The following SRCAP variants were observed in gnomAD, a reference collection of about 807,000 sequenced individuals.
The protein encoded by SRCAP is chromatin remodeling protein SRCAP.
A neutral mutation model predicts 263.1 loss-of-function variants in SRCAP; 46 were observed. The observed-to-expected ratio is 0.17, with a 90% confidence interval of 0.14 to 0.22. The LOEUF is 0.22. Among genes scored for constraint, SRCAP ranks in the 10% least tolerant of loss-of-function variants. SRCAP has a pLI of 1.00. For synonymous variants in SRCAP, 1,813 were observed against 1,662.1 expected (o/e 1.09, Z -2.21); for missense variants, 3,695 against 4,181.9 (o/e 0.88, Z 3.21).
intron 3 of SRCAP, among the ~76,000 whole-genome samples, chr16:30,701,636 C>CT (rs35698444): frequency 0.012 from 1,684 of 136,652 alleles, 12 homozygotes; most frequent in African/African-American, 0.027. Flanking sequence ...TTTTTCTTTT[C>CT]TTTTTTTTTT....
intron 25 of SRCAP, chr16:30,725,809 A>T (rs1596657954): frequency 6.6e-6 from 1 of 152,302 alleles, no homozygotes; most frequent in Non-Finnish European, 1.5e-5. Context: ...TTTTAAATAC[A>T]GATGGGGGTC....
intron 33 of SRCAP, 80 bp downstream of exon 33, chr16:30,736,704 G>T (rs191851049): frequency 1.8e-5 from 26 of 1,472,310 alleles, no homozygotes; most frequent in Non-Finnish European, 2.3e-5. Flanking sequence ...AGACAGTCTC[G>T]CTCTGTCGCC....
chr16:30,713,789 A>C, intron 16 of SRCAP, 78 bp downstream of exon 16: 1 of 1,391,910 alleles, frequency 7.2e-7, no homozygotes, highest in Non-Finnish European at 9.9e-7. Context: ...TGCCCAGGAA[A>C]CCCTTGGGGA....
In SRCAP at chr16:30,739,431, C is replaced by G. The variant is rs370178143; in HGVS notation, c.9391C>G (p.Leu3131Val). 1.7e-5 allele frequency: 27 copies of G among 1,614,128 alleles called. No individual in the cohort carries two copies. The highest frequency in any genetic ancestry group is 2.3e-5 in the Non-Finnish European group (27 of 1,180,052). The change falls in exon 34 of 34, where the codon CTA (leucine) becomes GTA (valine). Residue 3131 changes from leucine to valine, a missense_variant. Physicochemically the swap from Leu to Val is conservative, Grantham distance 32. This residue lies in a region of SRCAP where 1,207 missense variants were observed against 1,142.9 expected (regional missense o/e 1.06). Transcript: ENST00000262518. ...GCGTCCAGGGTCTCTAGTCCCCCCA[C>G]TAGAGACTGAGAAGTTGCCTCGCAA... ...RLRPGSLVPP[L>V]ETEKLPRKRA... is the part of the protein sequence containing the mutation.
rs199521388 is a variant in SRCAP at position 30,724,630 on chromosome 16, C to G, written c.5206C>G (p.Pro1736Ala). 268 of 1,614,084 alleles carry G rather than the reference C, an allele frequency of 1.7e-4. No homozygotes were observed. Among genetic ancestry groups the G allele is most frequent in the Middle Eastern group, 4.9e-4 (3 of 6,084 alleles). ...PTPAQTLSLA[P>A]GPPLGPTQTL... ...TCCAGCCCAGACACTGTCTTTGGCA[C>G]CAGGACCACCACTGGGTCCAACTCA... Residue 1736 changes from proline (P) to alanine (A), a missense_variant, in exon 25 of 34, where the codon CCA (proline) becomes GCA (alanine). Physicochemically the swap from Pro to Ala is conservative, Grantham distance 27. This residue lies in a region of SRCAP where 1,347 missense variants were observed against 1,304.4 expected (regional missense o/e 1.03). Coordinates refer to ENST00000262518, the MANE Select transcript of SRCAP (RefSeq NM_006662.3).
Position 30,737,978 on chromosome 16 carries a change from G to C in SRCAP, c.7938G>C (p.Val2646=), listed in dbSNP as rs1243929903. The change falls in exon 34 of 34, where the codon GTG becomes GTC. Residue 2646 remains valine (V), a synonymous_variant. Transcript: ENST00000262518. The stretch of plus-strand genomic sequence containing the variant: ...AAGGTGAGGAGTTGCCCCTGTGTGT[G>C]AGTGAGAGCAATGGCCTGGAGCTCC... ...LPEGEELPLC[V]SESNGLELPP... 3.7e-6 allele frequency: 6 copies of C among 1,614,142 alleles called. No homozygotes were observed. Among genetic ancestry groups the C allele is most frequent in the Non-Finnish European group, 4.2e-6 (5 of 1,180,044 alleles).
intron 4 of SRCAP, 78 bp downstream of exon 4, chr16:30,704,393 T>C (rs2052803409): frequency 6.7e-7 from 1 of 1,496,014 alleles, no homozygotes; most frequent in African/African-American, 1.4e-5. Flanking sequence ...GTATTTTATG[T>C]TTCTTTTCTT....
intron 16 of SRCAP, among the ~76,000 whole-genome samples, chr16:30,714,754 C>T (rs568500355): frequency 6.6e-6 from 1 of 151,274 alleles, no homozygotes; most frequent in Admixed American, 6.6e-5. Flanking sequence ...GCCCTGCCCC[C>T]GCTTGGCCTC....
intron 25 of SRCAP, among the ~76,000 whole-genome samples, chr16:30,728,448 TTC>T (rs2053083269): frequency 6.6e-6 from 1 of 152,226 alleles, no homozygotes; most frequent in Admixed American, 6.5e-5. Context: ...GTTGCCCATT[TTC>T]TGTCTCAGAG....
intron 16 of SRCAP, among the ~76,000 whole-genome samples, chr16:30,714,738 T>G (rs993895668): frequency 6.6e-6 from 1 of 151,714 alleles, no homozygotes; most frequent in Admixed American, 6.6e-5. Flanking sequence ...TGACCTTAAG[T>G]GATCCGCCCT....
rs574210456 is a variant in SRCAP, at chr16:30,716,356, A to G, written c.2694A>G (p.Arg898=). The G allele has an allele frequency of 9.7e-5, 157 of 1,614,172 alleles. 2 individuals carry two copies. The South Asian group carries it at 1.6e-3, about 16-fold the overall frequency. ...TCATCAACATTTTGATGCAGCTGAG[A>G]AAAGTTTGCAATCATCCAAATCTGT... ...MSVINILMQL[R]KVCNHPNLFD... Residue 898 remains arginine, a synonymous_variant, in exon 18 of 34, where the codon AGA becomes AGG. Coordinates refer to ENST00000262518, the MANE Select transcript of SRCAP (RefSeq NM_006662.3).
In SRCAP at chr16:30,723,185, G is replaced by C. The variant is rs543494300; in HGVS notation, c.4115G>C (p.Arg1372Thr). Residue 1372 changes from arginine to threonine, a missense_variant, in exon 24 of 34, where the codon AGG becomes ACG. Arg to Thr is a moderately conservative substitution (Grantham distance 71). This residue lies in a region of SRCAP where 1,347 missense variants were observed against 1,304.4 expected (regional missense o/e 1.03). Coordinates refer to ENST00000262518, the MANE Select transcript of SRCAP (RefSeq NM_006662.3). The part of the protein sequence containing the change: ...RAPMPTPTLV[R>T]PLLKLVHSPS... ...CCCATGCCCACACCCACTCTGGTGA[G>C]GCCTCTTCTCAAGCTGGTCCACAGT... is the stretch of plus-strand genomic sequence containing the variant. The C allele has an allele frequency of 3.2e-5, 52 of 1,613,910 alleles. No homozygotes were observed. The highest frequency in any genetic ancestry group is 4.4e-5 in the Non-Finnish European group (52 of 1,179,968).
At position 30,720,737 on chromosome 16, in the gene SRCAP, A is replaced by G. The variant is rs560799747; in HGVS notation, c.3012A>G (p.Gln1004=). The change falls in exon 20 of 34, where the codon CAA becomes CAG. Residue 1004 remains glutamine, a synonymous_variant. Transcript: ENST00000262518. ...GGATGCTGCAGCCAGTACCTAAGCA[A>G]GAAGGCCGGACAGTGGTGGTGGTGA... ...VNRMLQPVPK[Q]EGRTVVVVNN... is the part of the protein sequence containing the mutation. 42 of 1,609,272 alleles carry G rather than the reference A, an allele frequency of 2.6e-5. 1 individual carries two copies. The South Asian group carries it at 3.9e-4, about 15-fold the overall frequency.
chr16:30,700,143 T>C (rs2052749119), intron 2 of SRCAP, among the ~76,000 whole-genome samples, 162 bp downstream of exon 2: 1 of 152,222 alleles, frequency 6.6e-6, no homozygotes, highest in African/African-American at 2.4e-5. Context: ...ACAACAGAAC[T>C]GAGGCTGTGG....
Position 30,739,241 on chromosome 16 carries a change from C to G in SRCAP, c.9201C>G (p.Ala3067=). The change falls in exon 34 of 34, where the codon GCC becomes GCG. Residue 3067 remains alanine (A), a synonymous_variant. Coordinates refer to ENST00000262518, the MANE Select transcript of SRCAP (RefSeq NM_006662.3). ...EDGSRPLTRL[A]RLRLEAEGMR... ...GAAGCCGCCCCCTCACCCGCCTGGC[C>G]CGCCTTCGGCTTGAAGCAGAAGGAA... 1 of 1,613,646 alleles carries G rather than the reference C, an allele frequency of 6.2e-7. No homozygotes were observed. Among genetic ancestry groups the G allele is most frequent in the East Asian group, 2.2e-5 (1 of 44,878 alleles).
chr16:30,732,190 G>C (rs577601779), intron 27 of SRCAP, among the ~76,000 whole-genome samples: 1 of 151,826 alleles, frequency 6.6e-6, no homozygotes, highest in Non-Finnish European at 1.5e-5. Context: ...GGTGGCTCAC[G>C]CCTGTAATCC....
At chr16:30,710,589 G>A (rs1596646225) in intron 8 of SRCAP, 165 bp from the exon 9 acceptor site, 1 of 835,532 alleles carries the variant, frequency 1.2e-6, no homozygotes, top group South Asian at 1.3e-5. Context: ...TTTGGTAGCT[G>A]GTGCTGAGAG....
At chr16:30,735,859 T>G (rs1343762471) in intron 31 of SRCAP, among the ~76,000 whole-genome samples, 1 of 151,886 alleles carries the variant, frequency 6.6e-6, no homozygotes, top group Non-Finnish European at 1.5e-5. Context: ...AATTATAGGA[T>G]TGAGCCACTG....
At position 30,733,023 on chromosome 16, in the gene SRCAP, A is replaced by T. The variant is rs949802856; in HGVS notation, c.6128-257A>T. 6.6e-6 allele frequency among the ~76,000 whole-genome samples: 1 copy of T among 152,102 alleles called. No homozygotes were observed. The highest frequency in any genetic ancestry group is 2.4e-5 in the African/African-American group (1 of 41,396). ...GCTAATTTTTGTGTTTTTAGTAGAG[A>T]CAGGGTCTCATCATGTTGGCCAGGC... is the stretch of plus-strand genomic sequence containing the variant. On this transcript the variant is annotated intron_variant, in intron 27 of 33. Transcript: ENST00000262518. This position sits in a 1 kb window ranked among gnomAD's most constrained non-coding sequence, Gnocchi z 5.3.
Sources: gnomAD v4.1 joint callset for allele counts (sites outside exome capture counted in the v4.1 genomes callset) on GRCh38, gnomAD v4.1.1 for gene constraint, gnomAD v4.1.1 regional missense constraint, Gnocchi (gnomAD v3.1) non-coding constraint, MANE v1.5 for transcripts, NCBI Gene and HGNC (gene_info 2026-07-23, HGNC 2026-07-21) for gene names.